The following PIP5K1A variants were observed in gnomAD, a reference collection of about 807,000 sequenced individuals.
The protein encoded by PIP5K1A is phosphatidylinositol-4-phosphate 5-kinase type 1 alpha, also known as phosphatidylinositol 4-phosphate 5-kinase type-1 alpha.
Under a neutral mutation model 72.9 loss-of-function variants are expected in PIP5K1A, and 46 were observed. That is an observed-to-expected ratio of 0.63 (90% CI 0.50 to 0.81). PIP5K1A has a LOEUF of 0.81. PIP5K1A is among the 30% of genes least tolerant of loss of function. The pLI is 0.00. For missense variants in PIP5K1A, 458 were observed against 706.1 expected (o/e 0.65, Z 3.98); for synonymous variants, 228 against 255.1 (o/e 0.89, Z 1.01).
Position 151,247,117 on chromosome 1 carries a change from C to CTTAT in PIP5K1A, c.1686+175_1686+178dup, listed in dbSNP as rs587595651. 641 of 381,960 alleles carry CTTAT rather than the reference C, an allele frequency of 1.7e-3. 3 individuals are homozygous for CTTAT. The highest frequency in any genetic ancestry group is 6.9e-3 in the African/African-American group (325 of 47,398). The allele number at this position is 381,960 out of a possible 1,614,324, so 23.7% of individuals were successfully genotyped here. Reference sequence around the variant, plus strand: ...TTTTTTATTATTTTTTTATTTTGTACTTATTTATTTATTTATTTATTTATT... The same window carrying CTTAT: ...TTTTTTATTATTTTTTTATTTTGTACTTATTTATTTATTTATTTATTTATTTATT... On this transcript the variant is annotated intron_variant, in intron 15 of 15. Transcript: ENST00000368888.
intron 12 of PIP5K1A, among the ~76,000 whole-genome samples, chr1:151,241,118 G>T (rs1570999137): frequency 6.6e-6 from 1 of 152,186 alleles, no homozygotes; most frequent in East Asian, 1.9e-4. Context: ...AACTGAGATA[G>T]TGCCATTGCA....
chr1:151,242,001 CCTTTTCA>C, intron 12 of PIP5K1A, 115 bp from the exon 13 acceptor site: 1 of 889,856 alleles, frequency 1.1e-6, no homozygotes, highest in South Asian at 1.5e-5. Context: ...TTGACATTAG[CCTTTTCA>C]CTTTTCAGAC....
chr1:151,246,406 C>T (rs1692516603), intron 14 of PIP5K1A, among the ~76,000 whole-genome samples: 2 of 152,162 alleles, frequency 1.3e-5, no homozygotes, highest in South Asian at 4.2e-4. Flanking sequence ...GTATTCGGTT[C>T]CTTGTCACAT....
intron 1 of PIP5K1A, chr1:151,216,013 T>C (rs775782787): frequency 4.7e-6 from 6 of 1,277,160 alleles, no homozygotes; most frequent in African/African-American, 1.5e-5. Flanking sequence ...AGATCTGATG[T>C]GTATCTGTGC....
At chr1:151,214,876 C>G (rs1265452870) in intron 1 of PIP5K1A, among the ~76,000 whole-genome samples, 2 of 151,690 alleles carry the variant, frequency 1.3e-5, no homozygotes, top group African/African-American at 4.8e-5. Flanking sequence ...GCCACCACAC[C>G]TGGCTAAATT....
intron 1 of PIP5K1A, among the ~76,000 whole-genome samples, chr1:151,207,639 C>G (rs956701783): frequency 6.7e-6 from 1 of 149,292 alleles, no homozygotes; most frequent in Non-Finnish European, 1.5e-5. Flanking sequence ...TCAAGTGATT[C>G]TGCTTCCTCA....
In PIP5K1A at chr1:151,198,822, C is replaced by G; in HGVS notation, c.-175C>G. On this transcript the variant is annotated 5_prime_UTR_variant, in exon 1 of 16. Coordinates refer to ENST00000368888, the MANE Select transcript of PIP5K1A (RefSeq NM_001135638.2). ...TCCCCATGCCAGGCGAATGGTGTGG[C>G]CTTGAGCTGGTCCAGGAGCCGGCTC... The G allele has an allele frequency of 1.5e-6, 1 of 688,606 alleles. No individual in the cohort carries two copies. The highest frequency in any genetic ancestry group is 1.6e-5 in the South Asian group (1 of 60,696). 42.7% of individuals were successfully genotyped at this position (688,606 alleles called of 1,614,324 possible).
intron 8 of PIP5K1A, 100 bp downstream of exon 8, chr1:151,234,596 C>G (rs1045139342): frequency 3.5e-6 from 3 of 865,512 alleles, no homozygotes. Flanking sequence ...TTCCTTAGCA[C>G]TGTATGTCCT....
At chr1:151,229,945 G>A (rs889322529) in intron 4 of PIP5K1A, among the ~76,000 whole-genome samples, 7 of 151,992 alleles carry the variant, frequency 4.6e-5, no homozygotes, top group South Asian at 2.1e-4. Flanking sequence ...AAAATTAGTC[G>A]GGTGTGGTGG....
Position 151,248,391 on chromosome 1 carries a change from CT to C in PIP5K1A, c.*537del, listed in dbSNP as rs1350462316. 37 of 134,572 alleles carry C rather than the reference CT, an allele frequency of 2.7e-4. No individual in the cohort carries two copies. The highest frequency in any genetic ancestry group is 2.3e-4 in the Admixed American group (3 of 12,824). The allele number at this position is 134,572 out of a possible 1,614,324, so 8.3% of individuals were successfully genotyped here. Reference sequence around the variant, plus strand: ...TTAACCACCTCCCAGCTTTCTTCTTCTTTTTTTTTTTCTGAAAAAAGGAAAA... The same window carrying C: ...TTAACCACCTCCCAGCTTTCTTCTTCTTTTTTTTTTCTGAAAAAAGGAAAA... On this transcript the variant is annotated 3_prime_UTR_variant, in exon 16 of 16. Coordinates refer to ENST00000368888, the MANE Select transcript of PIP5K1A (RefSeq NM_001135638.2).
chr1:151,196,966 T>G (rs1402855128), upstream of PIP5K1A, among the ~76,000 whole-genome samples: 1 of 151,336 alleles, frequency 6.6e-6, no homozygotes, highest in Non-Finnish European at 1.5e-5. Flanking sequence ...GTTCAAGCGA[T>G]TCTCCTGCCT....
intron 10 of PIP5K1A, chr1:151,238,586 A>T (rs587718657): frequency 3.3e-6 from 1 of 302,388 alleles, no homozygotes; most frequent in South Asian, 3.8e-5. Context: ...GTCATGTTCC[A>T]CATGGGGATA....
chr1:151,240,285 G>A (rs1338174316), intron 12 of PIP5K1A: 8 of 472,506 alleles, frequency 1.7e-5, no homozygotes, highest in Non-Finnish European at 3.0e-5. Flanking sequence ...GGGGAATTGG[G>A]ATTTGCAAAA....
At chr1:151,231,100 G>C (rs1399776871) in intron 4 of PIP5K1A, among the ~76,000 whole-genome samples, 1 of 151,704 alleles carries the variant, frequency 6.6e-6, no homozygotes, top group Non-Finnish European at 1.5e-5. Context: ...TCAGCTACTC[G>C]GGAGGCTGAG....
At chr1:151,246,304 T>G (rs1692498659) in intron 14 of PIP5K1A, among the ~76,000 whole-genome samples, 1 of 152,114 alleles carries the variant, frequency 6.6e-6, no homozygotes, top group Admixed American at 6.6e-5. Flanking sequence ...TGCCTTTGGC[T>G]CGGGTTCTCT....
Position 151,212,663 on chromosome 1 carries a change from C to T in PIP5K1A, c.86-11582C>T, listed in dbSNP as rs370293311. 2.1e-3 allele frequency among the ~76,000 whole-genome samples: 314 copies of T among 152,152 alleles called. 14 individuals carry two copies. In the South Asian group the frequency reaches 0.062, roughly 30 times the overall value. On this transcript the variant is annotated intron_variant, in intron 1 of 15. Transcript: ENST00000368888. ...GATCTCTGCTTACTGCAATCTCTGC[C>T]TCCCAGGTTCAAGCCATTCTCCTGC...
chr1:151,196,399 A>G (rs936127496), upstream of PIP5K1A, among the ~76,000 whole-genome samples: 1 of 152,090 alleles, frequency 6.6e-6, no homozygotes, highest in East Asian at 1.9e-4. Flanking sequence ...ACTTCAACAC[A>G]ACAAAATTCC....
chr1:151,219,861 T>TTC (rs1369430305), intron 1 of PIP5K1A, among the ~76,000 whole-genome samples: 6 of 147,380 alleles, frequency 4.1e-5, no homozygotes, highest in South Asian at 2.2e-4. Context: ...CTTTTTTTTT[T>TTC]TTTTTTTTTT....
At chr1:151,217,487 T>C (rs1486326434) in intron 1 of PIP5K1A, among the ~76,000 whole-genome samples, 1 of 152,242 alleles carries the variant, frequency 6.6e-6, no homozygotes, top group East Asian at 1.9e-4. Context: ...CTTCTGACTT[T>C]AGCCTTCCTA....
Sources: allele counts gnomAD v4.1 joint callset (sites outside exome capture counted in the v4.1 genomes callset), GRCh38; gene constraint gnomAD v4.1.1; transcripts MANE v1.5; gene names NCBI Gene and HGNC (gene_info 2026-07-23, HGNC 2026-07-21).